Variants in IGF2BP2 observed in about 807,000 individuals in gnomAD.
IGF2BP2 encodes the protein insulin-like growth factor 2 mRNA-binding protein 2.
In IGF2BP2, 17 loss-of-function variants were observed where a neutral mutation model predicts 75.8. The observed-to-expected ratio is 0.22, with a 90% CI of 0.15 to 0.34. The LOEUF (loss-of-function observed/expected upper bound fraction) is 0.34. Among genes scored for constraint, IGF2BP2 ranks in the 10% least tolerant of loss-of-function variants. IGF2BP2 has a pLI of 1.00. For missense variants in IGF2BP2, 516 were observed against 772.4 expected (o/e 0.67, Z 3.93); for synonymous variants, 288 against 295.6 (o/e 0.97, Z 0.26).
At chr3:185,741,895 C>T (rs1729602070) in intron 2 of IGF2BP2, among the ~76,000 whole-genome samples, 1 of 151,028 alleles carries the variant, frequency 6.6e-6, no homozygotes, top group Non-Finnish European at 1.5e-5. Flanking sequence ...AGAAAGAAGG[C>T]AATGGCACTC....
intron 2 of IGF2BP2, among the ~76,000 whole-genome samples, chr3:185,789,491 C>A (rs1374694843): frequency 6.6e-6 from 1 of 152,108 alleles, no homozygotes; most frequent in East Asian, 1.9e-4. Context: ...ATATCCCCTT[C>A]CATGTAGAGG....
intron 2 of IGF2BP2, among the ~76,000 whole-genome samples, chr3:185,747,933 G>A (rs987629120): frequency 1.3e-5 from 2 of 151,590 alleles, no homozygotes; most frequent in African/African-American, 4.9e-5. Flanking sequence ...TCGGCTCACT[G>A]CAACCTCCAC....
intron 2 of IGF2BP2, among the ~76,000 whole-genome samples, chr3:185,813,372 T>C (rs895779127): frequency 1.3e-5 from 2 of 152,252 alleles, no homozygotes; most frequent in Non-Finnish European, 2.9e-5. Context: ...TCTCAGATCC[T>C]TGATTTCATC....
chr3:185,822,424 T>C (rs1018271994), intron 2 of IGF2BP2, among the ~76,000 whole-genome samples: 3 of 152,246 alleles, frequency 2.0e-5, no homozygotes, highest in Non-Finnish European at 4.4e-5. Context: ...TTTTCTCTTC[T>C]CTTCTCATGT....
chr3:185,756,723 G>A (rs562959022), intron 2 of IGF2BP2, among the ~76,000 whole-genome samples: 68 of 152,182 alleles, frequency 4.5e-4, no homozygotes, highest in African/African-American at 1.5e-3. Flanking sequence ...CCTGTAATCC[G>A]ACACTTTAGA....
chr3:185,757,735 T>C (rs1197055676), intron 2 of IGF2BP2, among the ~76,000 whole-genome samples: 1 of 152,186 alleles, frequency 6.6e-6, no homozygotes, highest in Non-Finnish European at 1.5e-5. Flanking sequence ...GTGCCGAGAT[T>C]ACAGATATAA....
intron 2 of IGF2BP2, among the ~76,000 whole-genome samples, chr3:185,777,423 C>G (rs561532564): frequency 6.6e-6 from 1 of 151,874 alleles, no homozygotes; most frequent in Non-Finnish European, 1.5e-5. Context: ...CCCAGGAAGT[C>G]GAAGCTGCAG....
At chr3:185,768,685 G>A (rs1413185521) in intron 2 of IGF2BP2, among the ~76,000 whole-genome samples, 8 of 152,180 alleles carry the variant, frequency 5.3e-5, no homozygotes, top group African/African-American at 1.2e-4. Context: ...TAGTGGTGGA[G>A]TATCATGCTT....
At chr3:185,659,671 C>A (rs544699647) in intron 10 of IGF2BP2, among the ~76,000 whole-genome samples, 11 of 152,172 alleles carry the variant, frequency 7.2e-5, no homozygotes, top group African/African-American at 2.7e-4. Flanking sequence ...CCACTGCACC[C>A]TGCCAAGTAG....
intron 2 of IGF2BP2, among the ~76,000 whole-genome samples, chr3:185,701,068 T>C (rs1723224837): frequency 6.6e-6 from 1 of 152,130 alleles, no homozygotes; most frequent in Non-Finnish European, 1.5e-5. Flanking sequence ...AAGAATACTT[T>C]TAGCTACTAA....
At position 185,692,743 on chromosome 3, in the gene IGF2BP2, G is replaced by C. The variant is rs773155755; in HGVS notation, c.360C>G (p.Thr120=). The C allele has an allele frequency of 3.7e-6, 6 of 1,613,806 alleles. No homozygotes were observed. Among genetic ancestry groups the C allele is most frequent in the East Asian group, 2.2e-5 (1 of 44,862 alleles). Residue 120 remains threonine, a synonymous_variant, in exon 5 of 16, where the codon ACC becomes ACG. Transcript: ENST00000382199. The part of the protein sequence containing the change: ...NVEQVNTDTE[T]AVVNVTYATR... ...TTGCATATGTGACGTTGACAACGGC[G>C]GTTTCTGTGTCTGTGTTGACTAGGG... is the stretch of plus-strand genomic sequence containing the variant.
At chr3:185,804,052 C>A (rs1431160329) in intron 2 of IGF2BP2, among the ~76,000 whole-genome samples, 1 of 151,672 alleles carries the variant, frequency 6.6e-6, no homozygotes, top group East Asian at 1.9e-4. Context: ...AGGTCAGGAG[C>A]TCAAGACCAG....
At chr3:185,674,535 C>CTAA (rs1438061925) in intron 9 of IGF2BP2, among the ~76,000 whole-genome samples, 1 of 152,160 alleles carries the variant, frequency 6.6e-6, no homozygotes, top group East Asian at 1.9e-4. Flanking sequence ...AAGGACAAAC[C>CTAA]TAATGAGTCT....
intron 2 of IGF2BP2, among the ~76,000 whole-genome samples, chr3:185,736,684 G>A (rs777866603): frequency 2.6e-5 from 4 of 152,238 alleles, no homozygotes; most frequent in Non-Finnish European, 4.4e-5. Context: ...CCATGCAGGT[G>A]GGGAATCAGT....
chr3:185,677,060 TATATATATAGAG>T (rs1276494665), intron 7 of IGF2BP2, among the ~76,000 whole-genome samples: 7 of 52,836 alleles, frequency 1.3e-4, no homozygotes, highest in Non-Finnish European at 2.1e-4. Context: ...TATATATATA[TATATATATAGAG>T]AGAGAGAGAG....
chr3:185,751,344 G>A (rs534361110), intron 2 of IGF2BP2, among the ~76,000 whole-genome samples: 39 of 152,098 alleles, frequency 2.6e-4, no homozygotes, highest in Non-Finnish European at 3.7e-4. Context: ...TTGGGAGGCC[G>A]AGGCAGGCAG....
chr3:185,746,342 A>G (rs996090160), intron 2 of IGF2BP2, among the ~76,000 whole-genome samples: 5 of 152,224 alleles, frequency 3.3e-5, no homozygotes, highest in Non-Finnish European at 5.9e-5. Flanking sequence ...GACCATGGAC[A>G]TAAAAGCAGC....
intron 2 of IGF2BP2, among the ~76,000 whole-genome samples, chr3:185,701,578 G>A (rs980743091): frequency 5.3e-5 from 8 of 152,164 alleles, no homozygotes; most frequent in Non-Finnish European, 1.0e-4. Flanking sequence ...GCCCAATGCT[G>A]ATTACCCCAA....
At chr3:185,648,291 G>A (rs906932888) in intron 14 of IGF2BP2, among the ~76,000 whole-genome samples, 7 of 151,888 alleles carry the variant, frequency 4.6e-5, no homozygotes, top group Admixed American at 2.6e-4. Context: ...GTGAAACCCC[G>A]TCTATACTAA....
Sources: gnomAD v4.1 joint callset for allele counts (sites outside exome capture counted in the v4.1 genomes callset) on GRCh38, gnomAD v4.1.1 for gene constraint, MANE v1.5 for transcripts, NCBI Gene and HGNC (gene_info 2026-07-23, HGNC 2026-07-21) for gene names.